Variants in SALL2 observed in about 807,000 individuals in gnomAD.
SALL2 encodes the protein spalt like transcription factor 2, also known as sal-like protein 2.
In SALL2, 32 loss-of-function variants were observed where a neutral mutation model predicts 58.5. The observed-to-expected ratio is 0.55, with a 90% CI of 0.41 to 0.74. SALL2 has a LOEUF of 0.74. Ranked by LOEUF, SALL2 falls within the 30% of genes least tolerant of loss-of-function variation. SALL2 has a pLI of 0.00. For synonymous variants in SALL2, 516 were observed against 513.6 expected (o/e 1.00, Z -0.06); for missense variants, 1,201 against 1,268.9 (o/e 0.95, Z 0.81).
upstream of SALL2, among the ~76,000 whole-genome samples, chr14:21,529,270 G>A (rs1055562150): frequency 3.3e-5 from 5 of 152,150 alleles, no homozygotes; most frequent in Non-Finnish European, 7.4e-5. Context: ...CAAATGCAAA[G>A]TCCGGGGTGG....
In SALL2 at chr14:21,524,258, C is replaced by T. The variant is rs1305138846; in HGVS notation, c.1464G>A (p.Leu488=). ...STTALSATES[L]TLLSTSAGTA... ...TGCCTGCACTGGTGGAGAGCAGAGTCAGGCTCTCTGTGGCACTGAGTGCTG... is the reference window on the plus strand; with the variant it reads ...TGCCTGCACTGGTGGAGAGCAGAGTTAGGCTCTCTGTGGCACTGAGTGCTG... Residue 488 remains leucine, a synonymous_variant, in exon 2 of 2, where the codon CTG becomes CTA. Transcript: ENST00000537235. 3.1e-6 allele frequency: 5 copies of T among 1,613,630 alleles called. No individual in the cohort carries two copies. The Admixed American group carries it at 6.7e-5, about 22-fold the overall frequency.
Position 21,524,690 on chromosome 14 carries a change from C to A in SALL2, c.1032G>T (p.Gly344=). 2 of 1,613,972 alleles carry A rather than the reference C, an allele frequency of 1.2e-6. No homozygotes were observed. Among genetic ancestry groups the A allele is most frequent in the Non-Finnish European group, 1.7e-6 (2 of 1,180,010 alleles). ...CACTTCCATTCTTTGGCTTCAGGAG[C>A]CCTGGGGAGGCAGTGGCCTCAAGGC... ...ARGLEATASP[G]LLKPKNGSGE... is the part of the protein sequence containing the mutation. The change falls in exon 2 of 2, where the codon GGG becomes GGT. Residue 344 remains glycine, a synonymous_variant. Coordinates refer to ENST00000537235, the MANE Select transcript of SALL2 (RefSeq NM_001364564.1).
chr14:21,535,360 A>G (rs1212561968), intron 1 of SALL2, among the ~76,000 whole-genome samples: 7 of 149,742 alleles, frequency 4.7e-5, no homozygotes, highest in East Asian at 4.5e-4. Context: ...AAAAAAAAGA[A>G]AAAAAGAAAA....
At position 21,526,228 on chromosome 14, in the gene SALL2, C is replaced by T; in HGVS notation, c.-101G>A. 6.7e-7 allele frequency: 1 copy of T among 1,483,032 alleles called. No homozygotes were observed. Among genetic ancestry groups the T allele is most frequent in the Non-Finnish European group, 8.9e-7 (1 of 1,117,536 alleles). The allele number at this position is 1,483,032 out of a possible 1,614,324, so 91.9% of individuals were successfully genotyped here. On this transcript the variant is annotated 5_prime_UTR_variant, in exon 1 of 2. Transcript: ENST00000537235. Reference sequence around the variant, plus strand: ...GGTCTGCGGCAGCCTCTGCACCCAGCGGCCCAGACTGCGGAGATGGAGATC... The same window carrying T: ...GGTCTGCGGCAGCCTCTGCACCCAGTGGCCCAGACTGCGGAGATGGAGATC...
upstream of SALL2, chr14:21,537,119 CTCTT>C (rs1359971697): frequency 2.6e-5 from 15 of 573,160 alleles, no homozygotes; most frequent in Non-Finnish European, 3.4e-5. Flanking sequence ...TTGACTCTCT[CTCTT>C]TCTCTCTCAA....
chr14:21,530,513 C>G (rs1258968158), upstream of SALL2, among the ~76,000 whole-genome samples: 1 of 152,034 alleles, frequency 6.6e-6, no homozygotes, highest in Non-Finnish European at 1.5e-5. Flanking sequence ...GTCTCAAACT[C>G]CCGACCTCAG....
At position 21,525,090 on chromosome 14, in the gene SALL2, A is replaced by G. The variant is rs770937109; in HGVS notation, c.632T>C (p.Leu211Ser). The change falls in exon 2 of 2, where the codon TTA becomes TCA. Residue 211 changes from leucine (L) to serine (S), a missense_variant. Transcript: ENST00000537235. The surrounding 1 kb of genome is among the most constrained non-coding windows in gnomAD (Gnocchi z 4.4). ...GGCAGGGGCACCCACCGTCTGGCCT[A>G]AGGAGCCAAGCAACAGCACCTGCCT... is the stretch of plus-strand genomic sequence containing the variant. ...ICRQVLLLGSLGQTVGAPASP... is the reference protein window; with the variant it reads ...ICRQVLLLGSSGQTVGAPASP... The G allele has an allele frequency of 6.2e-7, 1 of 1,614,126 alleles. No individual in the cohort carries two copies. Among genetic ancestry groups the G allele is most frequent in the Non-Finnish European group, 8.5e-7 (1 of 1,179,986 alleles).
intron 1 of SALL2, among the ~76,000 whole-genome samples, chr14:21,535,614 A>G (rs1477208335): frequency 6.6e-6 from 1 of 152,254 alleles, no homozygotes; most frequent in Non-Finnish European, 1.5e-5. Context: ...TTCACAGATG[A>G]GGAAACTGAA....
chr14:21,522,464 G>A lies in SALL2; in HGVS notation c.*240C>T, dbSNP rs1253647146. 1.2e-5 allele frequency: 17 copies of A among 1,401,590 alleles called. No individual in the cohort carries two copies. The African/African-American group carries it at 2.2e-4, about 18-fold the overall frequency. The allele number at this position is 1,401,590 out of a possible 1,614,324, so 86.8% of individuals were successfully genotyped here. A position where few individuals can be genotyped will look rare whatever the true frequency, so the allele number is the denominator to read the frequency against. On this transcript the variant is annotated 3_prime_UTR_variant, in exon 2 of 2. Coordinates refer to ENST00000537235, the MANE Select transcript of SALL2 (RefSeq NM_001364564.1). ...GGAGAGGGTTCCCCTTGAGAAAGCT[G>A]CAGAGAATCTATGTTCCTCAGGTAC... is the stretch of plus-strand genomic sequence containing the variant.
chr14:21,529,468 CA>C (rs958320765), upstream of SALL2, among the ~76,000 whole-genome samples: 4 of 152,018 alleles, frequency 2.6e-5, no homozygotes, highest in Admixed American at 6.6e-5. Context: ...TACATTTGAA[CA>C]GCGGTTTTCA....
chr14:21,536,980 A>G, exon 1 of SALL2: 2 of 1,507,256 alleles, frequency 1.3e-6, no homozygotes, highest in Non-Finnish European at 1.8e-6. Flanking sequence ...AACCGGGGTG[A>G]CCTGGTCTCG....
Position 21,523,010 on chromosome 14 carries a change from C to G in SALL2, c.2712G>C (p.Glu904Asp), listed in dbSNP as rs61736009. 9.8e-3 allele frequency: 15,833 copies of G among 1,614,116 alleles called. 1,245 individuals are homozygous for G. The African/African-American group carries it at 0.18, about 18-fold the overall frequency. The change falls in exon 2 of 2, where the codon GAG becomes GAC. Residue 904 changes from glutamate to aspartate, a missense_variant. Coordinates refer to ENST00000537235, the MANE Select transcript of SALL2 (RefSeq NM_001364564.1). This position sits in a 1 kb window ranked among gnomAD's most constrained non-coding sequence, Gnocchi z 4.4. ...CTTCGCAGGCCTTTCTGCTGCTGCT[C>G]TCTCCTGGCTCCTTTCTCATTGCCT... ...LQEAMRKEPGESSSRKACEVC... is the reference protein window; with the variant it reads ...LQEAMRKEPGDSSSRKACEVC...
upstream of SALL2, among the ~76,000 whole-genome samples, chr14:21,530,277 C>CTTTTTTTTT: frequency 8.9e-6 from 1 of 112,410 alleles, no homozygotes; most frequent in Non-Finnish European, 1.9e-5. Context: ...CTTTTTTTTT[C>CTTTTTTTTT]TTTCTTTTTT....
Position 21,526,259 on chromosome 14 carries a change from C to T in SALL2, c.-132G>A. ...AGACTGCGGAGATGGAGATCGGCAG[C>T]GGCGGGGGCAGGGAGCAGCGGCGGA... On this transcript the variant is annotated 5_prime_UTR_variant, in exon 1 of 2. Transcript: ENST00000537235. 1.4e-6 allele frequency: 2 copies of T among 1,400,934 alleles called. No homozygotes were observed. Among genetic ancestry groups the T allele is most frequent in the Non-Finnish European group, 1.9e-6 (2 of 1,076,638 alleles). The allele number at this position is 1,400,934 out of a possible 1,614,324, so 86.8% of individuals were successfully genotyped here. A position where few individuals can be genotyped will look rare whatever the true frequency, so the allele number is the denominator to read the frequency against.
chr14:21,535,403 G>A (rs762654814), intron 1 of SALL2, among the ~76,000 whole-genome samples: 6 of 151,726 alleles, frequency 4.0e-5, no homozygotes, highest in Non-Finnish European at 7.4e-5. Flanking sequence ...AAATGCTGAC[G>A]TTTGCCAAGA....
In SALL2 at chr14:21,521,802, C is replaced by G. The variant is rs763525756; in HGVS notation, c.*902G>C. The G allele has an allele frequency of 1.9e-6, 1 of 540,312 alleles. No homozygotes were observed. Among genetic ancestry groups the G allele is most frequent in the Non-Finnish European group, 3.2e-6 (1 of 310,470 alleles). 33.5% of individuals were successfully genotyped at this position (540,312 alleles called of 1,614,324 possible). On this transcript the variant is annotated 3_prime_UTR_variant, in exon 2 of 2. Coordinates refer to ENST00000537235, the MANE Select transcript of SALL2 (RefSeq NM_001364564.1). ...TTGTTTCCCAACTTTGAGAGGTCATCATGAATGAGAAGCTGGAGAGGTCTT... is the reference window on the plus strand; with the variant it reads ...TTGTTTCCCAACTTTGAGAGGTCATGATGAATGAGAAGCTGGAGAGGTCTT...
chr14:21,526,341 AG>A lies in SALL2; in HGVS notation c.-215del. The A allele has an allele frequency of 7.2e-7, 1 of 1,388,080 alleles. No individual in the cohort carries two copies. The highest frequency in any genetic ancestry group is 9.3e-7 in the Non-Finnish European group (1 of 1,072,238). The allele number at this position is 1,388,080 out of a possible 1,614,324, so 86.0% of individuals were successfully genotyped here. On this transcript the variant is annotated 5_prime_UTR_variant, in exon 1 of 2. Coordinates refer to ENST00000537235, the MANE Select transcript of SALL2 (RefSeq NM_001364564.1). ...TGGAGTGAGAAAGCGGGGAGAGGGG[AG>A]ATCTGGGAGGAGCTGATGAGGAGGG...
At chr14:21,526,014 T>TGCCCCA in intron 1 of SALL2, 47 bp downstream of exon 1, 1 of 1,041,066 alleles carries the variant, frequency 9.6e-7, no homozygotes, top group Non-Finnish European at 1.4e-6. Flanking sequence ...CCCCTGCGCA[T>TGCCCCA]CCCCCTCCGC....
rs375922511 is a variant in SALL2 at position 21,525,168 on chromosome 14, C to T, written c.554G>A (p.Arg185Gln). The T allele has an allele frequency of 1.1e-5, 17 of 1,613,852 alleles. No individual in the cohort carries two copies. Among genetic ancestry groups the T allele is most frequent in the Admixed American group, 8.3e-5 (5 of 59,996 alleles). Residue 185 changes from arginine (R) to glutamine (Q), a missense_variant, in exon 2 of 2, where the codon CGG becomes CAG. By Grantham distance (43) the Arg-to-Gln change is conservative. Transcript: ENST00000537235. This position sits in a 1 kb window ranked among gnomAD's most constrained non-coding sequence, Gnocchi z 4.4. The part of the protein sequence containing the change: ...LNIPLILEEL[R>Q]VLQQRQIHQM... ...ATGGATCTGCCGCTGCTGCAGCACC[C>T]GTAGCTCTTCCAAGATCAGGGGGAT...
Sources: gnomAD v4.1 joint callset for allele counts (sites outside exome capture counted in the v4.1 genomes callset) on GRCh38, gnomAD v4.1.1 for gene constraint, Gnocchi (gnomAD v3.1) non-coding constraint, MANE v1.5 for transcripts, NCBI Gene and HGNC (gene_info 2026-07-23, HGNC 2026-07-21) for gene names.